The following ASMTL variants were observed in gnomAD, a reference collection of about 807,000 sequenced individuals.
The protein encoded by ASMTL is probable bifunctional dTTP/UTP pyrophosphatase/methyltransferase protein.
Under a neutral mutation model 60.3 loss-of-function variants are expected in ASMTL, and 57 were observed. That is an observed-to-expected ratio of 0.95 (90% confidence interval 0.76 to 1.18). The LOEUF is 1.18. Among genes scored for constraint, ASMTL ranks in the 50% most tolerant of loss-of-function variants. The probability of loss-of-function intolerance (pLI) is 0.00; values close to 1 mark genes in which losing one functional copy is unlikely to be tolerated. For synonymous variants in ASMTL, 419 were observed against 373.0 expected (o/e 1.12, Z -1.42); for missense variants, 981 against 852.6 (o/e 1.15, Z -1.88).
chrX:1,451,064 C>T (rs150100468), intron 1 of ASMTL, among the ~76,000 whole-genome samples: 2,562 of 113,850 alleles, frequency 0.023, 104 homozygotes, highest in African/African-American at 0.14. Context: ...TCCCCTCCCC[C>T]ATACCTAGGG....
At chrX:1,417,228 C>G (rs1441323380) in intron 11 of ASMTL, among the ~76,000 whole-genome samples, 1 of 151,274 alleles carries the variant, frequency 6.6e-6, no homozygotes, top group Admixed American at 6.6e-5. Flanking sequence ...CAGGGACACA[C>G]AACCACAGCA....
chrX:1,443,594 T>TTGGACAGACACCGCCATCG lies in ASMTL; in HGVS notation c.94-1296_94-1278dup, dbSNP rs1569534778. ...GCCATCATGGACACACACCGCCATC[T>TTGGACAGACACCGCCATCG]TGGACAGACACCGCCATCGTGGACA... On this transcript the variant is annotated intron_variant, in intron 1 of 12. Transcript: ENST00000381317. Among the ~76,000 whole-genome samples the TTGGACAGACACCGCCATCG allele has an allele frequency of 3.5e-3, 152 of 43,910 alleles. 1 individual carries two copies. Among genetic ancestry groups the TTGGACAGACACCGCCATCG allele is most frequent in the African/African-American group, 0.012 (148 of 12,842 alleles). 28.8% of individuals were successfully genotyped at this position (43,910 alleles called of 152,430 possible).
chrX:1,418,954 G>A, intron 10 of ASMTL, 28 bp downstream of exon 10: 1 of 1,611,090 alleles, frequency 6.2e-7, no homozygotes, highest in Non-Finnish European at 8.5e-7. Context: ...ACGAAAGTAA[G>A]GAGAGCCCTG....
intron 1 of ASMTL, among the ~76,000 whole-genome samples, chrX:1,444,163 C>A (rs1360777401): frequency 1.3e-5 from 2 of 151,868 alleles, no homozygotes; most frequent in South Asian, 4.2e-4. Flanking sequence ...TCCGAGCCTG[C>A]GAGAAGCCCC....
intron 11 of ASMTL, among the ~76,000 whole-genome samples, chrX:1,413,393 C>T (rs1256020340): frequency 2.0e-5 from 3 of 152,122 alleles, no homozygotes; most frequent in East Asian, 1.9e-4. Flanking sequence ...AGCACCTGGG[C>T]GAGGCAGGCA....
At chrX:1,405,584 A>G (rs1373535720) in intron 12 of ASMTL, among the ~76,000 whole-genome samples, 5 of 147,768 alleles carry the variant, frequency 3.4e-5, no homozygotes, top group African/African-American at 1.3e-4. Flanking sequence ...AGATGGATGG[A>G]TGGGTGAATA....
intron 3 of ASMTL, among the ~76,000 whole-genome samples, chrX:1,435,966 G>A (rs1350256455): frequency 6.6e-6 from 1 of 152,096 alleles, no homozygotes; most frequent in Non-Finnish European, 1.5e-5. Flanking sequence ...ACTCCAGAAG[G>A]AGACCCTGTC....
intron 7 of ASMTL, 147 bp downstream of exon 7, chrX:1,427,587 C>T: frequency 1.2e-6 from 1 of 851,106 alleles, no homozygotes; most frequent in African/African-American, 1.7e-5. Context: ...GGACCCTCTC[C>T]TAGAACCTTC....
chrX:1,418,393 C>T lies in ASMTL; in HGVS notation c.1379-277G>A, dbSNP rs1160747873. Among the ~76,000 whole-genome samples, 5 of 150,354 alleles carry T rather than the reference C, an allele frequency of 3.3e-5. No homozygotes were observed. In the South Asian group the frequency reaches 8.4e-4, roughly 25 times the overall value. ...GCCGTGGGGATGTAGACACAATGGC[C>T]GGTGCTACAGCAGCCACTCTGGGCC... On this transcript the variant is annotated intron_variant, in intron 10 of 12. Coordinates refer to ENST00000381317, the MANE Select transcript of ASMTL (RefSeq NM_004192.4).
chrX:1,435,723 G>C lies in ASMTL; in HGVS notation c.309C>G (p.Asp103Glu). 6.2e-7 allele frequency: 1 copy of C among 1,613,636 alleles called. No individual in the cohort carries two copies. Among genetic ancestry groups the C allele is most frequent in the African/African-American group, 1.3e-5 (1 of 75,006 alleles). Residue 103 changes from aspartate to glutamate, a missense_variant, in exon 4 of 13, where the codon GAC (aspartate) becomes GAG (glutamate). Physicochemically the swap from Asp to Glu is conservative, Grantham distance 45. Transcript: ENST00000381317. ...ACAGCATCCTGTAGGCGTCCTGCTT[G>C]TCCACCGGCTTCTCCAGAATCAGCC... Reference protein sequence around the residue: ...VGGLILEKPVDKQDAYRMLSR... With the variant: ...VGGLILEKPVEKQDAYRMLSR...
At chrX:1,411,806 CTTTTTTTTTT>C (rs756437483) in intron 12 of ASMTL, among the ~76,000 whole-genome samples, 39 of 86,172 alleles carry the variant, frequency 4.5e-4, no homozygotes, top group South Asian at 2.7e-3. Context: ...TTAGGATTTT[CTTTTTTTTTT>C]TTTTTTTTTT....
chrX:1,419,745 G>T (rs1236547628), intron 9 of ASMTL, among the ~76,000 whole-genome samples: 1 of 152,180 alleles, frequency 6.6e-6, no homozygotes, highest in African/African-American at 2.4e-5. Flanking sequence ...AGGACAGCCG[G>T]TCTCCATCCT....
chrX:1,419,144 A>T, intron 9 of ASMTL, 30 bp from the exon 10 acceptor site: 1 of 1,608,608 alleles, frequency 6.2e-7, no homozygotes, highest in Non-Finnish European at 8.5e-7. Flanking sequence ...TAGGGGCACC[A>T]GAGAACACGG....
At chrX:1,431,067 CAT>C (rs1390666726) in intron 6 of ASMTL, among the ~76,000 whole-genome samples, 6 of 122,628 alleles carry the variant, frequency 4.9e-5, no homozygotes, top group African/African-American at 2.0e-4. Context: ...ACATATTATC[CAT>C]ATATTCATAT....
rs1468589286 is a variant in ASMTL at position 1,418,006 on chromosome X, C to T, written c.1489G>A (p.Gly497Arg). 7.4e-5 allele frequency: 120 copies of T among 1,613,068 alleles called. No individual in the cohort carries two copies. The highest frequency in any genetic ancestry group is 2.7e-4 in the Admixed American group (16 of 59,918). ...IELAAHFQPP[G>R]PQAVQIHFAA... The stretch of plus-strand genomic sequence containing the variant: ...AAGTGGATCTGCACTGCCTGCGGTC[C>T]GGGGGGTTGGAAGTGGGCGGCCAGC... The change falls in exon 11 of 13, where the codon GGA becomes AGA. Residue 497 changes from glycine (G) to arginine (R), a missense_variant. Coordinates refer to ENST00000381317, the MANE Select transcript of ASMTL (RefSeq NM_004192.4).
chrX:1,418,070 A>C lies in ASMTL; in HGVS notation c.1425T>G (p.Arg475=), dbSNP rs751966053. The C allele has an allele frequency of 1.2e-6, 2 of 1,613,278 alleles. No individual in the cohort carries two copies. Among genetic ancestry groups the C allele is most frequent in the Admixed American group, 3.3e-5 (2 of 59,946 alleles). Residue 475 remains arginine, a synonymous_variant, in exon 11 of 13, where the codon CGT becomes CGG. Coordinates refer to ENST00000381317, the MANE Select transcript of ASMTL (RefSeq NM_004192.4). ...GGAGGTCAAACACAGTCACCTGCAT[A>C]CGAGGGTACTCACGGGCCAGCTCTC... The part of the protein sequence containing the change: ...LARELAREYP[R]MQVTVFDLPD...
At chrX:1,411,945 G>A (rs1164911954) in intron 12 of ASMTL, among the ~76,000 whole-genome samples, 1 of 150,492 alleles carries the variant, frequency 6.6e-6, no homozygotes, top group Non-Finnish European at 1.5e-5. Flanking sequence ...CTGAGTAGCT[G>A]GGATTACAGG....
At chrX:1,426,040 G>T (rs1457712876) in intron 7 of ASMTL, among the ~76,000 whole-genome samples, 1 of 152,090 alleles carries the variant, frequency 6.6e-6, no homozygotes, top group Non-Finnish European at 1.5e-5. Flanking sequence ...AGTGATTCAG[G>T]TAAAATGAGG....
intron 1 of ASMTL, among the ~76,000 whole-genome samples, chrX:1,443,254 C>T (rs1603451741): frequency 2.1e-3 from 2 of 958 alleles, no homozygotes; most frequent in African/African-American, 2.3e-3. Context: ...CGTGGACACA[C>T]GCCGCCGTCT....
Sources: allele counts gnomAD v4.1 joint callset (sites outside exome capture counted in the v4.1 genomes callset), GRCh38; gene constraint gnomAD v4.1.1; transcripts MANE v1.5; gene names NCBI Gene and HGNC (gene_info 2026-07-23, HGNC 2026-07-21).